PARVB: variants seen among roughly 807,000 people sequenced by gnomAD.
PARVB encodes parvin beta.
Under a neutral mutation model 47.0 loss-of-function variants are expected in PARVB, and 46 were observed. The ratio of observed to expected loss-of-function variants is 0.98; its 90% CI spans 0.77 to 1.25. The LOEUF (loss-of-function observed/expected upper bound fraction) is 1.25, where lower values mean the gene tolerates loss of function less well. Among genes scored for constraint, PARVB ranks in the 50% most tolerant of loss-of-function variants. The pLI is 0.00. For missense variants in PARVB, 473 were observed against 471.6 expected (o/e 1.00, Z -0.03); for synonymous variants, 196 against 196.3 (o/e 1.00, Z 0.01).
chr22:44,135,837 T>A (rs2147173239), intron 6 of PARVB, among the ~76,000 whole-genome samples: 1 of 152,300 alleles, frequency 6.6e-6, no homozygotes, highest in East Asian at 1.9e-4. Flanking sequence ...GCCACATCTC[T>A]CCAGTCTCTG....
chr22:44,159,081 G>A (rs575484595), intron 11 of PARVB, among the ~76,000 whole-genome samples: 1 of 152,152 alleles, frequency 6.6e-6, no homozygotes. Context: ...GAGAGCGAGC[G>A]AGCGAGCAAG....
chr22:44,147,054 C>T (rs1310831219), intron 8 of PARVB: 1 of 158,118 alleles, frequency 6.3e-6, no homozygotes, highest in Admixed American at 6.0e-5. Flanking sequence ...TGGAACTCCC[C>T]CCTCCATGGC....
At chr22:44,044,049 G>A (rs972779586) in intron 1 of PARVB, among the ~76,000 whole-genome samples, 5 of 152,162 alleles carry the variant, frequency 3.3e-5, no homozygotes, top group African/African-American at 1.2e-4. Flanking sequence ...TCCTCATTGA[G>A]CAAGTGACAA....
In PARVB at chr22:44,049,158, A is replaced by G. The variant is rs2051164622; in HGVS notation, c.112+24707A>G. ...TGAAAATGAGTCTCATTTTACGATG[A>G]GGAAACTGAGGCCCTGAGAGAGGGT... On this transcript the variant is annotated intron_variant, in intron 1 of 12. Coordinates refer to ENST00000338758, the MANE Select transcript of PARVB (RefSeq NM_013327.5). This position sits in a 1 kb window ranked among gnomAD's most constrained non-coding sequence, Gnocchi z 4.0. 6.6e-6 allele frequency among the ~76,000 whole-genome samples: 1 copy of G among 152,176 alleles called. No individual in the cohort carries two copies. Among genetic ancestry groups the G allele is most frequent in the African/African-American group, 2.4e-5 (1 of 41,438 alleles).
chr22:44,099,324 T>C (rs139401927), intron 2 of PARVB, among the ~76,000 whole-genome samples: 92 of 152,310 alleles, frequency 6.0e-4, no homozygotes, highest in African/African-American at 2.2e-3. Context: ...ATTTCTGCTG[T>C]GGAGCACGCC....
chr22:44,096,324 A>G (rs2052306791), intron 2 of PARVB, among the ~76,000 whole-genome samples: 1 of 152,148 alleles, frequency 6.6e-6, no homozygotes, highest in Non-Finnish European at 1.5e-5. Flanking sequence ...CTGAGTCTGA[A>G]GAAGTTGAGG....
chr22:44,129,367 G>A (rs1054613979), intron 4 of PARVB, among the ~76,000 whole-genome samples: 4 of 152,152 alleles, frequency 2.6e-5, no homozygotes, highest in African/African-American at 7.2e-5. Context: ...GGCATGCTTC[G>A]TTGCAGCAGC....
At chr22:44,163,974 AG>A in intron 12 of PARVB, 44 bp downstream of exon 12, 1 of 1,488,084 alleles carries the variant, frequency 6.7e-7, no homozygotes, top group South Asian at 1.2e-5. Flanking sequence ...GTGCGCACGG[AG>A]GGGAAGAAAA....
At chr22:44,038,539 G>C (rs957542282) in intron 1 of PARVB, among the ~76,000 whole-genome samples, 4 of 152,184 alleles carry the variant, frequency 2.6e-5, no homozygotes, top group Non-Finnish European at 4.4e-5. Context: ...CCAGCACTTT[G>C]GAAGGCTGAG....
At chr22:44,079,098 A>T (rs977970206) in intron 1 of PARVB, among the ~76,000 whole-genome samples, 1 of 152,224 alleles carries the variant, frequency 6.6e-6, no homozygotes, top group Non-Finnish European at 1.5e-5. Context: ...TCAGTCGTTC[A>T]TGAATTCACT....
At chr22:44,012,401 T>C (rs1385849865) in intron 2 of PARVB, among the ~76,000 whole-genome samples, 1 of 152,230 alleles carries the variant, frequency 6.6e-6, no homozygotes, top group Non-Finnish European at 1.5e-5. Flanking sequence ...TGGGCAGAAG[T>C]GTTTCCATCA....
intron 1 of PARVB, among the ~76,000 whole-genome samples, chr22:44,062,525 TA>T (rs1055706262): frequency 9.2e-5 from 14 of 151,938 alleles, no homozygotes; most frequent in Admixed American, 9.2e-4. Flanking sequence ...TAATCCCAGC[TA>T]CTCGGGAGAC....
chr22:44,058,761 C>T lies in PARVB; in HGVS notation c.112+34310C>T, dbSNP rs148634648. 3.1e-3 allele frequency among the ~76,000 whole-genome samples: 470 copies of T among 152,018 alleles called. 5 individuals carry two copies. The highest frequency in any genetic ancestry group is 0.024 in the Admixed American group (365 of 15,252). On this transcript the variant is annotated intron_variant, in intron 1 of 12. Transcript: ENST00000338758. ...GTAAAAATGGGGTTTCACTCTGTTGCGCAGGGTGGTCTTGAACCCCTGAGC... is the reference window on the plus strand; with the variant it reads ...GTAAAAATGGGGTTTCACTCTGTTGTGCAGGGTGGTCTTGAACCCCTGAGC...
intron 4 of PARVB, among the ~76,000 whole-genome samples, chr22:44,121,059 T>G (rs980732303): frequency 6.6e-6 from 1 of 152,158 alleles, no homozygotes; most frequent in Non-Finnish European, 1.5e-5. Context: ...GCCAGGATGG[T>G]CTTGATCTCC....
intron 1 of PARVB, among the ~76,000 whole-genome samples, chr22:44,072,701 C>T (rs1016107392): frequency 6.6e-6 from 1 of 152,172 alleles, no homozygotes; most frequent in Non-Finnish European, 1.5e-5. Context: ...CTTGGCCTCC[C>T]AAAGTTGCTG....
intron 10 of PARVB, chr22:44,152,405 C>T (rs1471039565): frequency 6.6e-6 from 1 of 152,218 alleles, no homozygotes; most frequent in African/African-American, 2.4e-5. Context: ...GCCTCAGCCT[C>T]CCAACCACTG....
intron 3 of PARVB, chr22:44,114,805 C>G (rs570096985): frequency 7.2e-6 from 1 of 138,554 alleles, no homozygotes; most frequent in East Asian, 2.3e-4. Flanking sequence ...AGGCCCTGCA[C>G]CAACACAGAT....
chr22:44,055,406 C>T (rs1358621580), intron 1 of PARVB, among the ~76,000 whole-genome samples: 1 of 148,764 alleles, frequency 6.7e-6, no homozygotes, highest in African/African-American at 2.5e-5. Context: ...GTGATCTCGG[C>T]TCAGTGCAAC....
At chr22:44,119,900 G>A (rs892816257) in intron 4 of PARVB, 27 of 518,338 alleles carry the variant, frequency 5.2e-5, no homozygotes, top group Admixed American at 3.3e-4. Context: ...ATGGAAGAAC[G>A]AGCGAAGAGT....
Sources: gnomAD v4.1 joint callset for allele counts (sites outside exome capture counted in the v4.1 genomes callset) on GRCh38, gnomAD v4.1.1 for gene constraint, Gnocchi (gnomAD v3.1) non-coding constraint, MANE v1.5 for transcripts, NCBI Gene and HGNC (gene_info 2026-07-23, HGNC 2026-07-21) for gene names.